RFX1: variants seen among roughly 807,000 people sequenced by gnomAD.
The protein encoded by RFX1 is regulatory factor X1.
In RFX1, 42 loss-of-function variants were observed where a neutral mutation model predicts 119.6. The observed-to-expected ratio is 0.35, with a 90% CI of 0.27 to 0.45. The LOEUF (loss-of-function observed/expected upper bound fraction) is 0.45. RFX1 is among the 20% of genes least tolerant of loss of function. RFX1 has a pLI of 1.00. For synonymous variants in RFX1, 628 were observed against 618.5 expected (o/e 1.02, Z -0.23); for missense variants, 1,118 against 1,368.1 (o/e 0.82, Z 2.88).
At chr19:13,964,386 C>T (rs1268318839) in intron 16 of RFX1, among the ~76,000 whole-genome samples, 1 of 144,218 alleles carries the variant, frequency 6.9e-6, no homozygotes, top group Non-Finnish European at 1.5e-5. Context: ...CCAGGAAAGG[C>T]CTTTTTTTTT....
At chr19:14,001,043 C>T (rs1017685006) in intron 1 of RFX1, among the ~76,000 whole-genome samples, 3 of 152,046 alleles carry the variant, frequency 2.0e-5, no homozygotes, top group Non-Finnish European at 2.9e-5. Flanking sequence ...TGCAGTGAGC[C>T]TCTCTGCAAA....
chr19:13,984,870 G>GT (rs1007452457), intron 2 of RFX1, among the ~76,000 whole-genome samples: 5 of 152,004 alleles, frequency 3.3e-5, no homozygotes, highest in African/African-American at 1.2e-4. Flanking sequence ...GAGCTTTTTT[G>GT]TTTTTTTGAG....
At chr19:14,001,901 C>T (rs914498160) in intron 1 of RFX1, among the ~76,000 whole-genome samples, 14 of 152,090 alleles carry the variant, frequency 9.2e-5, no homozygotes, top group Non-Finnish European at 1.9e-4. Context: ...TTTGGGAGGC[C>T]AAAGCGTGTG....
At chr19:13,995,746 G>A (rs1453244255) in intron 1 of RFX1, among the ~76,000 whole-genome samples, 1 of 151,056 alleles carries the variant, frequency 6.6e-6, no homozygotes, top group Non-Finnish European at 1.5e-5. Flanking sequence ...AGCTACTTAG[G>A]AGGATGAGGC....
intron 2 of RFX1, among the ~76,000 whole-genome samples, chr19:13,991,953 C>T (rs1974820946): frequency 6.6e-6 from 1 of 152,110 alleles, no homozygotes. Context: ...TGAGCCACCA[C>T]ACCCGGCCAA....
In RFX1 at chr19:13,995,579, A is replaced by G. The variant is rs1220883612; in HGVS notation, c.-52-1684T>C. On this transcript the variant is annotated intron_variant, in intron 1 of 20. Coordinates refer to ENST00000254325, the MANE Select transcript of RFX1 (RefSeq NM_002918.5). ...AACAGGGCCGGCCTTGGCCAAGCGC[A>G]GTGGCTCACGCCTGTAATCCCAACA... 4.6e-5 allele frequency among the ~76,000 whole-genome samples: 7 copies of G among 152,310 alleles called. No homozygotes were observed. In the East Asian group the frequency reaches 1.4e-3, roughly 29 times the overall value.
intron 2 of RFX1, among the ~76,000 whole-genome samples, chr19:13,987,668 G>A (rs1373773254): frequency 6.6e-6 from 1 of 152,226 alleles, no homozygotes; most frequent in African/African-American, 2.4e-5. Flanking sequence ...ACAGCTGGCA[G>A]GGCACAAGCC....
Position 13,962,384 on chromosome 19 carries a change from G to T in RFX1, c.*311C>A. 2.3e-6 allele frequency: 1 copy of T among 434,738 alleles called. No individual in the cohort carries two copies. The highest frequency in any genetic ancestry group is 4.1e-6 in the Non-Finnish European group (1 of 242,952). The allele number at this position is 434,738 out of a possible 1,614,324, so 26.9% of individuals were successfully genotyped here. ...TGCCCCCTGGGGTGGTGGGAGGACGGGGCTGGGGAGAAGACGCTGGGGCCT... is the reference window on the plus strand; with the variant it reads ...TGCCCCCTGGGGTGGTGGGAGGACGTGGCTGGGGAGAAGACGCTGGGGCCT... On this transcript the variant is annotated 3_prime_UTR_variant, in exon 21 of 21. Transcript: ENST00000254325.
At position 13,962,804 on chromosome 19, in the gene RFX1, G is replaced by T. The variant is rs755919768; in HGVS notation, c.2831C>A (p.Ala944Glu). 1.3e-6 allele frequency: 2 copies of T among 1,529,570 alleles called. No individual in the cohort carries two copies. Among genetic ancestry groups the T allele is most frequent in the African/African-American group, 1.4e-5 (1 of 72,696 alleles). The allele number at this position is 1,529,570 out of a possible 1,614,324, so 94.7% of individuals were successfully genotyped here. A position where few individuals can be genotyped will look rare whatever the true frequency, so the allele number is the denominator to read the frequency against. Reference sequence around the variant, plus strand: ...CAGCGCGGGTGACTCGCCGCCAGCCGCCAGTGAGATGTCCTGCGGCAGCTC... The same window carrying T: ...CAGCGCGGGTGACTCGCCGCCAGCCTCCAGTGAGATGTCCTGCGGCAGCTC... Reference protein sequence around the residue: ...EDELPQDISLAAGGESPALGP... With the variant: ...EDELPQDISLEAGGESPALGP... Residue 944 changes from alanine to glutamate, a missense_variant, in exon 21 of 21, where the codon GCG (alanine) becomes GAG (glutamate). Ala to Glu is a moderately radical substitution (Grantham distance 107). Around this residue, in one of 5 missense-constraint regions of RFX1, gnomAD observed 138 missense variants for 117.8 expected, o/e 1.17. Transcript: ENST00000254325.
intron 1 of RFX1, among the ~76,000 whole-genome samples, chr19:14,005,698 G>A (rs1206693357): frequency 1.3e-5 from 2 of 152,182 alleles, no homozygotes; most frequent in African/African-American, 4.8e-5. Context: ...TGGTTCCCGA[G>A]GTGGAGGTTG....
intron 1 of RFX1, among the ~76,000 whole-genome samples, chr19:13,995,727 T>G (rs557260296): frequency 6.6e-6 from 1 of 151,998 alleles, no homozygotes; most frequent in Non-Finnish European, 1.5e-5. Flanking sequence ...GGCACATGCC[T>G]GTAATCCCAG....
intron 2 of RFX1, among the ~76,000 whole-genome samples, chr19:13,993,159 G>T (rs1250237281): frequency 6.6e-6 from 1 of 152,100 alleles, no homozygotes; most frequent in African/African-American, 2.4e-5. Context: ...GCCAGGCATG[G>T]TGGTGGGCAC....
At position 13,970,191 on chromosome 19, in the gene RFX1, G is replaced by C. The variant is rs1568461784; in HGVS notation, c.1315-16C>G. The C allele has an allele frequency of 6.3e-7, 1 of 1,587,590 alleles. No individual in the cohort carries two copies. The highest frequency in any genetic ancestry group is 1.3e-5 in the African/African-American group (1 of 74,336). ...GCCACTGGACCTGGGGTGGGAGGGA[G>C]ATGGGAGAGCACCAGTCAGAGGCGC... On this transcript the variant is annotated splice_polypyrimidine_tract_variant and intron_variant, in intron 9 of 20. Transcript: ENST00000254325.
intron 2 of RFX1, among the ~76,000 whole-genome samples, 169 bp downstream of exon 2, chr19:13,993,356 G>T (rs746023364): frequency 3.6e-4 from 55 of 152,050 alleles, no homozygotes; most frequent in Non-Finnish European, 6.5e-4. Flanking sequence ...AAGGAGTTTG[G>T]GGGGACAGAG....
At chr19:13,996,662 G>A (rs1238485821) in intron 1 of RFX1, among the ~76,000 whole-genome samples, 1 of 150,692 alleles carries the variant, frequency 6.6e-6, no homozygotes, top group Non-Finnish European at 1.5e-5. Flanking sequence ...CTGACCCCCA[G>A]ATACATTCTG....
chr19:13,966,736 A>G lies in RFX1; in HGVS notation c.1748T>C (p.Leu583Pro). ...GAGGTCGAGCTCTGTGAAGTCAGGG[A>G]GGCTCCGAGAGGCATCTAGGGGGCC... ...YQQFLDASRS[L>P]PDFTELDLQG... is the part of the protein sequence containing the mutation. Residue 583 changes from leucine to proline, a missense_variant, in exon 13 of 21, where the codon CTC becomes CCC. Leu to Pro is a moderately conservative substitution (Grantham distance 98). This residue lies in a region of RFX1 where 338 missense variants were observed against 508.9 expected (regional missense o/e 0.66). Transcript: ENST00000254325. The surrounding 1 kb of genome is among the most constrained non-coding windows in gnomAD (Gnocchi z 6.3). 1.2e-6 allele frequency: 2 copies of G among 1,606,290 alleles called. No homozygotes were observed. The highest frequency in any genetic ancestry group is 8.5e-7 in the Non-Finnish European group (1 of 1,177,006).
At position 14,002,809 on chromosome 19, in the gene RFX1, G is replaced by A. The variant is rs532767150; in HGVS notation, c.-53+3294C>T. On this transcript the variant is annotated intron_variant, in intron 1 of 20. Coordinates refer to ENST00000254325, the MANE Select transcript of RFX1 (RefSeq NM_002918.5). ...AGGCAGCATCTCTGCGGGCGGGGCAGCCTGGCCATCCCCTTCCCTGAGATG... is the reference window on the plus strand; with the variant it reads ...AGGCAGCATCTCTGCGGGCGGGGCAACCTGGCCATCCCCTTCCCTGAGATG... Among the ~76,000 whole-genome samples the A allele has an allele frequency of 8.5e-5, 13 of 152,312 alleles. 1 individual carries two copies. The South Asian group carries it at 2.7e-3, about 32-fold the overall frequency.
chr19:13,982,012 G>A (rs1974443503), intron 5 of RFX1, 109 bp downstream of exon 5: 11 of 435,870 alleles, frequency 2.5e-5, no homozygotes, highest in Admixed American at 9.0e-5. Context: ...CTTTGGAGGA[G>A]CAAGTGGGCT....
chr19:14,004,221 A>C (rs955666879), intron 1 of RFX1, among the ~76,000 whole-genome samples: 13 of 151,502 alleles, frequency 8.6e-5, no homozygotes, highest in African/African-American at 3.1e-4. Flanking sequence ...CTTTTTTAAG[A>C]AGGGCTAGCC....
Sources: allele counts gnomAD v4.1 joint callset (sites outside exome capture counted in the v4.1 genomes callset), GRCh38; gene constraint gnomAD v4.1.1; regional missense constraint gnomAD v4.1.1; non-coding constraint Gnocchi (gnomAD v3.1); transcripts MANE v1.5; gene names NCBI Gene and HGNC (gene_info 2026-07-23, HGNC 2026-07-21).